STN1: variants seen among roughly 807,000 people sequenced by gnomAD.
The protein encoded by STN1 is STN1 subunit of CST complex.
In STN1, 29 loss-of-function variants were observed where a neutral mutation model predicts 45.5. The ratio of observed to expected loss-of-function variants is 0.64; its 90% CI spans 0.47 to 0.87. The LOEUF (loss-of-function observed/expected upper bound fraction) is 0.87, where lower values mean the gene tolerates loss of function less well. STN1 is among the 40% of genes least tolerant of loss of function. STN1 has a pLI of 0.00. For synonymous variants in STN1, 148 were observed against 159.0 expected, an observed-to-expected ratio of 0.93 and a Z score of 0.52; for missense variants, 376 against 441.4, an observed-to-expected ratio of 0.85 and a Z score of 1.33.
chr10:103,913,420 C>T (rs1391977979), intron 2 of STN1, among the ~76,000 whole-genome samples: 3 of 150,898 alleles, frequency 2.0e-5, no homozygotes, highest in South Asian at 2.1e-4. Context: ...GATGAAGATG[C>T]AACAAAACCC....
Position 103,881,847 on chromosome 10 carries a change from G to A in STN1, c.*837C>T, listed in dbSNP as rs1446167881. On this transcript the variant is annotated 3_prime_UTR_variant, in exon 10 of 10. Coordinates refer to ENST00000224950, the MANE Select transcript of STN1 (RefSeq NM_024928.5). ...AAGCATGACTCCATCACCTGTCTGG[G>A]CACATACCGAGTCTTTGTCTGGATG... is the stretch of plus-strand genomic sequence containing the variant. Among the ~76,000 whole-genome samples, 3 of 152,112 alleles carry A rather than the reference G, an allele frequency of 2.0e-5. No individual in the cohort carries two copies. The highest frequency in any genetic ancestry group is 4.4e-5 in the Non-Finnish European group (3 of 68,032).
In STN1 at chr10:103,914,341, T is replaced by C. The variant is rs1283744250; in HGVS notation, c.133+3121A>G. Among the ~76,000 whole-genome samples, 96 of 12,366 alleles carry C rather than the reference T, an allele frequency of 7.8e-3. 3 individuals carry two copies. Among genetic ancestry groups the C allele is most frequent in the East Asian group, 0.036 (19 of 526 alleles). The allele number at this position is 12,366 out of a possible 152,430, so 8.1% of individuals were successfully genotyped here. On this transcript the variant is annotated intron_variant, in intron 2 of 9. Transcript: ENST00000224950. ...TGAGCTATTATTAAAAATACATATA[T>C]ATATATATATATATATATATATATA...
chr10:103,899,470 G>A (rs971924944), intron 5 of STN1, among the ~76,000 whole-genome samples: 3 of 152,178 alleles, frequency 2.0e-5, no homozygotes, highest in Non-Finnish European at 2.9e-5. Context: ...TGAGGTGGGC[G>A]GATCTCTTGA....
At chr10:103,886,771 T>G (rs538852136) in intron 9 of STN1, among the ~76,000 whole-genome samples, 38 of 152,342 alleles carry the variant, frequency 2.5e-4, no homozygotes, top group African/African-American at 7.9e-4. Context: ...CATTTACTTC[T>G]TATAAAAACC....
rs10748858 is a variant in STN1, at chr10:103,879,756, T to G, written c.*2928A>C. The G allele has an allele frequency of 0.33, 50,677 of 153,148 alleles. 9,104 individuals are homozygous for G. Among genetic ancestry groups the G allele is most frequent in the South Asian group, 0.41 (2,003 of 4,844 alleles). 9.5% of individuals were successfully genotyped at this position (153,148 alleles called of 1,614,324 possible). On this transcript the variant is annotated 3_prime_UTR_variant, in exon 10 of 10. Coordinates refer to ENST00000224950, the MANE Select transcript of STN1 (RefSeq NM_024928.5). ...GGGCCAGGGCGGAAGCAGAGAGGAC[T>G]GAGGAGGCCGGGGAGGAGGGTGAAG...
chr10:103,883,144 CT>C (rs918983628), intron 9 of STN1, among the ~76,000 whole-genome samples: 4 of 152,146 alleles, frequency 2.6e-5, no homozygotes, highest in African/African-American at 9.7e-5. Context: ...GCTTGATAAA[CT>C]TTTTTCTGTG....
At chr10:103,889,859 C>T (rs1024292483) in intron 8 of STN1, among the ~76,000 whole-genome samples, 1 of 152,040 alleles carries the variant, frequency 6.6e-6, no homozygotes, top group Non-Finnish European at 1.5e-5. Flanking sequence ...TGCACCACCA[C>T]GTCCAGCTAA....
chr10:103,888,629 T>C (rs1843118593), intron 9 of STN1, among the ~76,000 whole-genome samples: 1 of 152,160 alleles, frequency 6.6e-6, no homozygotes, highest in Non-Finnish European at 1.5e-5. Flanking sequence ...GCTTTGATGT[T>C]AGAATAGAGG....
At chr10:103,905,027 G>T in intron 4 of STN1, 64 bp downstream of exon 4, 2 of 1,425,670 alleles carry the variant, frequency 1.4e-6, no homozygotes, top group South Asian at 2.3e-5. Context: ...CTGTTTTGAT[G>T]AACTACATTG....
chr10:103,880,710 C>T lies in STN1; in HGVS notation c.*1974G>A, dbSNP rs1460396859. On this transcript the variant is annotated 3_prime_UTR_variant, in exon 10 of 10. Transcript: ENST00000224950. The stretch of plus-strand genomic sequence containing the variant: ...CATGTAGATGGTATAATCCATGTGG[C>T]TGCTGGAGACACCCCAGTGAGCAAG... Among the ~76,000 whole-genome samples the T allele has an allele frequency of 6.6e-6, 1 of 152,186 alleles. No homozygotes were observed. Among genetic ancestry groups the T allele is most frequent in the Non-Finnish European group, 1.5e-5 (1 of 68,024 alleles).
At chr10:103,892,302 G>C in intron 7 of STN1, 50 bp from the exon 8 acceptor site, 1 of 1,535,508 alleles carries the variant, frequency 6.5e-7, no homozygotes. Context: ...CTCACCTTAC[G>C]GCACCTGAGA....
chr10:103,885,256 G>A (rs1054281765), intron 9 of STN1, among the ~76,000 whole-genome samples: 1 of 152,220 alleles, frequency 6.6e-6, no homozygotes, highest in Non-Finnish European at 1.5e-5. Flanking sequence ...AGGAGGAAGA[G>A]CTGACCAGCA....
At chr10:103,914,356 ATATATATATATATATATATTT>A (rs1226622332) in intron 2 of STN1, among the ~76,000 whole-genome samples, 1 of 19,142 alleles carries the variant, frequency 5.2e-5, no homozygotes, top group Admixed American at 6.8e-4. Context: ...ATATATATAT[ATATATATATATATATATATTT>A]TTTTTTTTTT....
At chr10:103,899,248 G>A (rs1004771998) in intron 5 of STN1, among the ~76,000 whole-genome samples, 1 of 152,238 alleles carries the variant, frequency 6.6e-6, no homozygotes, top group African/African-American at 2.4e-5. Context: ...GCACATCAAT[G>A]TATTGATTCG....
At chr10:103,894,899 T>A (rs1365119205) in intron 7 of STN1, among the ~76,000 whole-genome samples, 1 of 152,172 alleles carries the variant, frequency 6.6e-6, no homozygotes, top group Middle Eastern at 3.2e-3. Context: ...CTGGATTTGC[T>A]AAGAAGGACC....
chr10:103,896,672 T>C (rs1158862779), intron 7 of STN1, among the ~76,000 whole-genome samples: 1 of 151,568 alleles, frequency 6.6e-6, no homozygotes, highest in Non-Finnish European at 1.5e-5. Flanking sequence ...CAGTCAGGGG[T>C]CAGGGTCACC....
chr10:103,910,692 G>C (rs1177175141), intron 2 of STN1, 70 bp from the exon 3 acceptor site: 2 of 842,622 alleles, frequency 2.4e-6, no homozygotes, highest in Admixed American at 4.0e-5. Context: ...ATCTTAACTT[G>C]TAGGGGGGAA....
At chr10:103,883,491 T>C (rs1784235916) in intron 9 of STN1, among the ~76,000 whole-genome samples, 1 of 152,074 alleles carries the variant, frequency 6.6e-6, no homozygotes, top group Non-Finnish European at 1.5e-5. Flanking sequence ...TAAACGTTGG[T>C]AATGAGAAAA....
chr10:103,895,831 TA>T (rs1843167619), intron 7 of STN1, among the ~76,000 whole-genome samples: 1 of 152,180 alleles, frequency 6.6e-6, no homozygotes, highest in African/African-American at 2.4e-5. Context: ...AGAAAACATC[TA>T]AACAGTCCAG....
Sources: allele counts gnomAD v4.1 joint callset (sites outside exome capture counted in the v4.1 genomes callset), GRCh38; gene constraint gnomAD v4.1.1; transcripts MANE v1.5; gene names NCBI Gene and HGNC (gene_info 2026-07-23, HGNC 2026-07-21).